The following WDR97 variants were observed in gnomAD, a reference collection of about 807,000 sequenced individuals.
The protein encoded by WDR97 is WD repeat-containing protein 97.
In WDR97, 111 loss-of-function variants were observed where a neutral mutation model predicts 65.4. The ratio of observed to expected loss-of-function variants is 1.70; its 90% confidence interval spans 1.45 to 1.99. WDR97 has a LOEUF of 1.99. Ranked by LOEUF, WDR97 falls within the 30% of genes most tolerant of loss-of-function variation. WDR97 has a pLI of 0.00. For missense variants in WDR97, 1,674 were observed against 865.0 expected (o/e 1.94, Z -11.73); for synonymous variants, 802 against 397.7 (o/e 2.02, Z -12.10).
At position 144,107,804 on chromosome 8, in the gene WDR97, C is replaced by T. The variant is rs1271998717; in HGVS notation, c.54C>T (p.Asp18=). The change falls in exon 1 of 24, where the codon GAC becomes GAT. Residue 18 remains aspartate (D), a synonymous_variant. Coordinates refer to ENST00000323662, the MANE Select transcript of WDR97 (RefSeq NM_001316309.2). ...AEGYNLVLDS[D]LYDADGYDVP... is the part of the protein sequence containing the mutation. ...GCTACAACCTAGTTCTGGACTCGGACCTGTATGATGCGGATGGCTATGATG... is the reference window on the plus strand; with the variant it reads ...GCTACAACCTAGTTCTGGACTCGGATCTGTATGATGCGGATGGCTATGATG... 2 of 702,736 alleles carry T rather than the reference C, an allele frequency of 2.8e-6. No homozygotes were observed. The highest frequency in any genetic ancestry group is 1.7e-5 in the African/African-American group (1 of 57,276). The allele number at this position is 702,736 out of a possible 1,614,324, so 43.5% of individuals were successfully genotyped here. A position where few individuals can be genotyped will look rare whatever the true frequency, so the allele number is the denominator to read the frequency against.
Position 144,115,667 on chromosome 8 carries a change from G to A in WDR97, c.4404G>A (p.Leu1468=), listed in dbSNP as rs755768151. 1.4e-6 allele frequency: 1 copy of A among 697,868 alleles called. No homozygotes were observed. The highest frequency in any genetic ancestry group is 1.5e-5 in the South Asian group (1 of 67,160). The allele number at this position is 697,868 out of a possible 1,614,324, so 43.2% of individuals were successfully genotyped here. ...PAQLPGEPPP[L]EETDWSHSQL... The stretch of plus-strand genomic sequence containing the variant: ...AGCTGCCCGGAGAGCCGCCGCCGCT[G>A]GAGGAGACCGACTGGTCGCACTCGC... Residue 1468 remains leucine (L), a synonymous_variant, in exon 22 of 24, where the codon CTG becomes CTA. Coordinates refer to ENST00000323662, the MANE Select transcript of WDR97 (RefSeq NM_001316309.2).
rs1347961398 is a variant in WDR97, at chr8:144,114,072, G to A, written c.3504G>A (p.Leu1168=). The A allele has an allele frequency of 4.3e-6, 3 of 702,870 alleles. No individual in the cohort carries two copies. Among genetic ancestry groups the A allele is most frequent in the Admixed American group, 2.0e-5 (1 of 50,024 alleles). The allele number at this position is 702,870 out of a possible 1,614,324, so 43.5% of individuals were successfully genotyped here. A position where few individuals can be genotyped will look rare whatever the true frequency, so the allele number is the denominator to read the frequency against. Residue 1168 remains leucine (L), a synonymous_variant, in exon 18 of 24, where the codon TTG becomes TTA. Transcript: ENST00000323662. The part of the protein sequence containing the change: ...HPWHRHGSLL[L]DEHYGHLPKF... Reference sequence around the variant, plus strand: ...GGCACCGTCATGGGAGTTTGCTCTTGGATGAGCATTACGGGCATCTGCCCA... The same window carrying A: ...GGCACCGTCATGGGAGTTTGCTCTTAGATGAGCATTACGGGCATCTGCCCA...
chr8:144,114,338 A>G lies in WDR97; in HGVS notation c.3655A>G (p.Lys1219Glu). Residue 1219 changes from lysine to glutamate, a missense_variant, in exon 19 of 24, where the codon AAG becomes GAG. Transcript: ENST00000323662. ...CTCGCTGTTGGTGGCCCTGCTGGAG[A>G]AGACCACGTGGGTCGACCGTGTGCA... is the stretch of plus-strand genomic sequence containing the variant. ...LASLLVALLE[K>E]TTWVDRVHIL... 1.4e-6 allele frequency: 1 copy of G among 702,674 alleles called. No individual in the cohort carries two copies. Among genetic ancestry groups the G allele is most frequent in the Non-Finnish European group, 2.6e-6 (1 of 384,942 alleles). 43.5% of individuals were successfully genotyped at this position (702,674 alleles called of 1,614,324 possible). A position where few individuals can be genotyped will look rare whatever the true frequency, so the allele number is the denominator to read the frequency against.
In WDR97 at chr8:144,114,913, T is replaced by C. The variant is rs1465363883; in HGVS notation, c.4077+2T>C. On this transcript the variant is annotated splice_donor_variant, in intron 21 of 23. Coordinates refer to ENST00000323662, the MANE Select transcript of WDR97 (RefSeq NM_001316309.2). LOFTEE classifies it high-confidence loss of function. Reference sequence around the variant, plus strand: ...GAGGACATGATCCAGGAGCTTCAGGTTGGGCCGGCAGGGGCCGGGGGGGCC... The same window carrying C: ...GAGGACATGATCCAGGAGCTTCAGGCTGGGCCGGCAGGGGCCGGGGGGGCC... 1.2e-5 allele frequency: 8 copies of C among 689,592 alleles called. No individual in the cohort carries two copies. The highest frequency in any genetic ancestry group is 1.1e-4 in the South Asian group (7 of 65,738). The allele number at this position is 689,592 out of a possible 1,614,324, so 42.7% of individuals were successfully genotyped here.
chr8:144,110,480 C>G lies in WDR97; in HGVS notation c.1983C>G (p.Asp661Glu). The G allele has an allele frequency of 1.4e-6, 1 of 702,994 alleles. No homozygotes were observed. Among genetic ancestry groups the G allele is most frequent in the South Asian group, 1.5e-5 (1 of 67,604 alleles). 43.5% of individuals were successfully genotyped at this position (702,994 alleles called of 1,614,324 possible). A position where few individuals can be genotyped will look rare whatever the true frequency, so the allele number is the denominator to read the frequency against. The change falls in exon 7 of 24, where the codon GAC becomes GAG. Residue 661 changes from aspartate to glutamate, a missense_variant. Coordinates refer to ENST00000323662, the MANE Select transcript of WDR97 (RefSeq NM_001316309.2). Reference protein sequence around the residue: ...LGRRVTAGFEDPDSATYGLVQ... With the variant: ...LGRRVTAGFEEPDSATYGLVQ... ...GACGCGTCACCGCGGGCTTTGAGGA[C>G]CCAGACAGCGCTACCTACGGCCTGG...
intron 15 of WDR97, 97 bp from the exon 16 acceptor site, chr8:144,113,343 C>T (rs1029098394): frequency 3.4e-5 from 23 of 685,338 alleles, no homozygotes; most frequent in Middle Eastern, 3.7e-4. Context: ...GCTGGACTGG[C>T]GGCTGAGGGG....
Position 144,111,480 on chromosome 8 carries a change from G to A in WDR97, c.2481G>A (p.Pro827=), listed in dbSNP as rs368532151. 59 of 702,540 alleles carry A rather than the reference G, an allele frequency of 8.4e-5. No individual in the cohort carries two copies. The highest frequency in any genetic ancestry group is 4.0e-4 in the Admixed American group (20 of 49,990). The allele number at this position is 702,540 out of a possible 1,614,324, so 43.5% of individuals were successfully genotyped here. A position where few individuals can be genotyped will look rare whatever the true frequency, so the allele number is the denominator to read the frequency against. ...RRRATSQHLV[P]KEDLDAIVAR... Reference sequence around the variant, plus strand: ...GGGCAACATCTCAGCACCTGGTGCCGAAGGAGGTGGGGTGGGTCCTCCTTA... The same window carrying A: ...GGGCAACATCTCAGCACCTGGTGCCAAAGGAGGTGGGGTGGGTCCTCCTTA... The change falls in exon 11 of 24, where the codon CCG becomes CCA. Residue 827 remains proline (P), a synonymous_variant. Transcript: ENST00000323662.
Position 144,108,753 on chromosome 8 carries a change from T to C in WDR97, c.687T>C (p.Gly229=), listed in dbSNP as rs1440113700. Reference sequence around the variant, plus strand: ...CGCTCTGGCAGTTCCGTTCAGGTGGTCGCCGCCTGGTGCTGCGAGGGTCAG... The same window carrying C: ...CGCTCTGGCAGTTCCGTTCAGGTGGCCGCCGCCTGGTGCTGCGAGGGTCAG... ...SLALWQFRSG[G]RRLVLRGSAL... The change falls in exon 3 of 24, where the codon GGT becomes GGC. Residue 229 remains glycine (G), a synonymous_variant. Coordinates refer to ENST00000323662, the MANE Select transcript of WDR97 (RefSeq NM_001316309.2). 7.1e-6 allele frequency: 5 copies of C among 700,980 alleles called. No homozygotes were observed. The Admixed American group carries it at 1.0e-4, about 14-fold the overall frequency. 43.4% of individuals were successfully genotyped at this position (700,980 alleles called of 1,614,324 possible).
chr8:144,108,113 A>G lies in WDR97; in HGVS notation c.167A>G (p.Gln56Arg), dbSNP rs775356670. 1.3e-5 allele frequency: 9 copies of G among 702,638 alleles called. No individual in the cohort carries two copies. Among genetic ancestry groups the G allele is most frequent in the Non-Finnish European group, 2.1e-5 (8 of 385,000 alleles). The allele number at this position is 702,638 out of a possible 1,614,324, so 43.5% of individuals were successfully genotyped here. The change falls in exon 2 of 24, where the codon CAG (glutamine) becomes CGG (arginine). Residue 56 changes from glutamine (Q) to arginine (R), a missense_variant. Coordinates refer to ENST00000323662, the MANE Select transcript of WDR97 (RefSeq NM_001316309.2). Reference protein sequence around the residue: ...QVLPFLTSSQQWQSLTPRARA... With the variant: ...QVLPFLTSSQRWQSLTPRARA... The stretch of plus-strand genomic sequence containing the variant: ...CTGCCCTTTTTGACCAGCAGCCAAC[A>G]GTGGCAAAGCCTGACCCCGCGCGCC...
In WDR97 at chr8:144,111,106, G is replaced by A; in HGVS notation, c.2310G>A (p.Met770Ile). The A allele has an allele frequency of 5.7e-6, 4 of 702,796 alleles. No individual in the cohort carries two copies. The Admixed American group carries it at 6.0e-5, about 11-fold the overall frequency. 43.5% of individuals were successfully genotyped at this position (702,796 alleles called of 1,614,324 possible). A position where few individuals can be genotyped will look rare whatever the true frequency, so the allele number is the denominator to read the frequency against. The change falls in exon 10 of 24, where the codon ATG (methionine) becomes ATA (isoleucine). Residue 770 changes from methionine to isoleucine, a missense_variant. By Grantham distance (10) the Met-to-Ile change is conservative (BLOSUM62 1). Coordinates refer to ENST00000323662, the MANE Select transcript of WDR97 (RefSeq NM_001316309.2). ...YLPTSYLVKKMCRKAPDVVDD... is the reference protein window; with the variant it reads ...YLPTSYLVKKICRKAPDVVDD... ...AGGCTCCTTCCCCTATTCAGAAGAT[G>A]TGCCGGAAGGCCCCAGACGTGGTGG...
chr8:144,110,157 C>T lies in WDR97; in HGVS notation c.1744C>T (p.Leu582=), dbSNP rs1386204052. The T allele has an allele frequency of 2.8e-6, 2 of 702,766 alleles. No homozygotes were observed. The highest frequency in any genetic ancestry group is 3.5e-5 in the African/African-American group (2 of 57,266). The allele number at this position is 702,766 out of a possible 1,614,324, so 43.5% of individuals were successfully genotyped here. Residue 582 remains leucine, a synonymous_variant, in exon 6 of 24, where the codon CTG becomes TTG. Transcript: ENST00000323662. ...GCACACGGACGGCACGCTGTCGGTG[C>T]TGGAGTGGCTCTCGTCGAAGACTGT... ...VGHTDGTLSV[L]EWLSSKTVFQ...
In WDR97 at chr8:144,109,336, C is replaced by T. The variant is rs1471469804; in HGVS notation, c.1002C>T (p.Gly334=). Residue 334 remains glycine, a splice_region_variant and synonymous_variant, in exon 5 of 24, where the codon GGC becomes GGT. Transcript: ENST00000323662. ...GAGTGACCTGCACCCCTCCCACAGG[C>T]CCGGTGACGGCTATGACTGTGCTCC... The part of the protein sequence containing the change: ...QIRMVFVGHT[G]PVTAMTVLPN... 5 of 702,088 alleles carry T rather than the reference C, an allele frequency of 7.1e-6. No homozygotes were observed. In the African/African-American group the frequency reaches 8.7e-5, roughly 12 times the overall value. 43.5% of individuals were successfully genotyped at this position (702,088 alleles called of 1,614,324 possible).
At position 144,110,728 on chromosome 8, in the gene WDR97, C is replaced by T; in HGVS notation, c.2160C>T (p.Asn720=). 1 of 702,884 alleles carries T rather than the reference C, an allele frequency of 1.4e-6. No homozygotes were observed. Among genetic ancestry groups the T allele is most frequent in the Non-Finnish European group, 2.6e-6 (1 of 384,976 alleles). 43.5% of individuals were successfully genotyped at this position (702,884 alleles called of 1,614,324 possible). The change falls in exon 8 of 24, where the codon AAC becomes AAT. Residue 720 remains asparagine, a synonymous_variant. Transcript: ENST00000323662. ...DCTVRIWTAE[N]RLLRLLQLNG... ...CCGTTCGCATCTGGACTGCTGAGAA[C>T]CGCCTCCTGCGGTAGGCTAGGAGGT...
At position 144,109,822 on chromosome 8, in the gene WDR97, G is replaced by A. The variant is rs1414188967; in HGVS notation, c.1488G>A (p.Gly496=). 1 of 684,978 alleles carries A rather than the reference G, an allele frequency of 1.5e-6. No homozygotes were observed. Among genetic ancestry groups the A allele is most frequent in the Non-Finnish European group, 2.6e-6 (1 of 377,774 alleles). The allele number at this position is 684,978 out of a possible 1,614,324, so 42.4% of individuals were successfully genotyped here. The change falls in exon 5 of 24, where the codon GGG becomes GGA. Residue 496 remains glycine, a synonymous_variant. Coordinates refer to ENST00000323662, the MANE Select transcript of WDR97 (RefSeq NM_001316309.2). The part of the protein sequence containing the change: ...REALWLLTRA[G]HLVRANAARC... ...CGCTGTGGCTGCTGACCAGGGCTGG[G>A]CACCTGGTCCGCGCCAACGCGGCGC...
At position 144,108,092 on chromosome 8, in the gene WDR97, CCT is replaced by C; in HGVS notation, c.147_148del (p.Leu51AspfsTer271). On this transcript the variant is annotated frameshift_variant, in exon 2 of 24. Coordinates refer to ENST00000323662, the MANE Select transcript of WDR97 (RefSeq NM_001316309.2). LOFTEE classifies it high-confidence loss of function. ...TTCACGGAGCCGTCGCAGGTCCTGC[CCT>C]TTTTGACCAGCAGCCAACAGTGGCA... The C allele has an allele frequency of 1.4e-6, 1 of 702,790 alleles. No individual in the cohort carries two copies. 43.5% of individuals were successfully genotyped at this position (702,790 alleles called of 1,614,324 possible).
Position 144,115,856 on chromosome 8 carries a change from C to A in WDR97, c.4593C>A (p.His1531Gln). Residue 1531 changes from histidine (H) to glutamine (Q), a missense_variant and splice_region_variant, in exon 22 of 24, where the codon CAC (histidine) becomes CAA (glutamine). By Grantham distance (24) the His-to-Gln change is conservative (BLOSUM62 0). Coordinates refer to ENST00000323662, the MANE Select transcript of WDR97 (RefSeq NM_001316309.2). ...TGGTGGTGCCACCTCCGCGGGAGCA[C>A]TGGTGCGCGGGGCCTGCGCCGGCGG... ...PDMVVPPPRE[H>Q]WYHPILRLQE... The A allele has an allele frequency of 1.4e-6, 1 of 692,300 alleles. No homozygotes were observed. The highest frequency in any genetic ancestry group is 2.6e-4 in the Middle Eastern group (1 of 3,876). 42.9% of individuals were successfully genotyped at this position (692,300 alleles called of 1,614,324 possible). A position where few individuals can be genotyped will look rare whatever the true frequency, so the allele number is the denominator to read the frequency against.
rs1014166752 is a variant in WDR97 at position 144,112,476 on chromosome 8, G to A, written c.3051G>A (p.Lys1017=). 1.7e-5 allele frequency: 12 copies of A among 702,598 alleles called. No homozygotes were observed. The highest frequency in any genetic ancestry group is 3.1e-5 in the Non-Finnish European group (12 of 384,934). 43.5% of individuals were successfully genotyped at this position (702,598 alleles called of 1,614,324 possible). The stretch of plus-strand genomic sequence containing the variant: ...CACTGCTGCCAAAGAGATGGGACAA[G>A]GAACCTCTCTCTAGCCTCAGGGGCT... ...RIPLLPKRWD[K]EPLSSLRGFF... The change falls in exon 15 of 24, where the codon AAG becomes AAA. Residue 1017 remains lysine, a synonymous_variant. Transcript: ENST00000323662.
At position 144,114,147 on chromosome 8, in the gene WDR97, C is replaced by T. The variant is rs1234785970; in HGVS notation, c.3579C>T (p.Pro1193=). ...AGACCTGGTTCAAAAAGTTGTTCCCCATCTTCAGCCTGCAGGTTGGAGGGA... is the reference window on the plus strand; with the variant it reads ...AGACCTGGTTCAAAAAGTTGTTCCCTATCTTCAGCCTGCAGGTTGGAGGGA... ...IYQTWFKKLF[P]IFSLQAYPEA... Residue 1193 remains proline (P), a synonymous_variant, in exon 18 of 24, where the codon CCC becomes CCT. Transcript: ENST00000323662. 8 of 702,578 alleles carry T rather than the reference C, an allele frequency of 1.1e-5. No homozygotes were observed. The Middle Eastern group carries it at 6.8e-4, about 60-fold the overall frequency. The allele number at this position is 702,578 out of a possible 1,614,324, so 43.5% of individuals were successfully genotyped here.
rs1391406981 is a variant in WDR97 at position 144,113,966 on chromosome 8, T to A, written c.3409-11T>A. ...GACAGGTGGGACCTGCAGCCACTGC[T>A]GCTCCCCTAGAGTGCTGTGGACTGG... On this transcript the variant is annotated splice_polypyrimidine_tract_variant and intron_variant, in intron 17 of 23. Coordinates refer to ENST00000323662, the MANE Select transcript of WDR97 (RefSeq NM_001316309.2). 5.7e-6 allele frequency: 4 copies of A among 700,446 alleles called. No individual in the cohort carries two copies. The allele number at this position is 700,446 out of a possible 1,614,324, so 43.4% of individuals were successfully genotyped here. A position where few individuals can be genotyped will look rare whatever the true frequency, so the allele number is the denominator to read the frequency against.
Sources: gnomAD v4.1 joint callset for allele counts on GRCh38, gnomAD v4.1.1 for gene constraint, MANE v1.5 for transcripts, NCBI Gene and HGNC (gene_info 2026-07-23, HGNC 2026-07-21) for gene names.